The following IGSF23 variants were observed in gnomAD, a reference collection of about 807,000 sequenced individuals.
The protein encoded by IGSF23 is immunoglobulin superfamily, member 23.
In IGSF23, 14 loss-of-function variants were observed where a neutral mutation model predicts 17.8. The ratio of observed to expected loss-of-function variants is 0.79; its 90% CI spans 0.52 to 1.23. IGSF23 has a LOEUF of 1.23. IGSF23 is among the 50% of genes most tolerant of loss of function. The pLI is 0.00. For missense variants in IGSF23, 214 were observed against 241.7 expected, an observed-to-expected ratio of 0.89 and a Z score of 0.76; for synonymous variants, 85 against 92.5, an observed-to-expected ratio of 0.92 and a Z score of 0.46.
rs73048333 is a variant in IGSF23 at position 44,630,085 on chromosome 19, C to T, written c.545+2512C>T. On this transcript the variant is annotated intron_variant, in intron 3 of 4. Coordinates refer to ENST00000402988, the MANE Select transcript of IGSF23 (RefSeq NM_001205280.2). ...GCCACTTTGTTCTAGCTCCTGTCTACACTGCCTTTTCCACCATCAGTAACT... is the reference window on the plus strand; with the variant it reads ...GCCACTTTGTTCTAGCTCCTGTCTATACTGCCTTTTCCACCATCAGTAACT... 5.0e-3 allele frequency among the ~76,000 whole-genome samples: 759 copies of T among 152,328 alleles called. 5 individuals carry two copies. The highest frequency in any genetic ancestry group is 6.7e-3 in the Non-Finnish European group (455 of 68,028).
At chr19:44,618,516 T>G (rs774295072) in intron 1 of IGSF23, among the ~76,000 whole-genome samples, 4 of 152,104 alleles carry the variant, frequency 2.6e-5, no homozygotes, top group Non-Finnish European at 5.9e-5. Flanking sequence ...TGGTTATCCA[T>G]TGCTCCCCAA....
At chr19:44,631,135 C>T (rs547090769) in intron 3 of IGSF23, among the ~76,000 whole-genome samples, 3 of 150,134 alleles carry the variant, frequency 2.0e-5, no homozygotes, top group Non-Finnish European at 4.4e-5. Context: ...GGCATGATAA[C>T]ACATGCTTGT....
intron 2 of IGSF23, 28 bp downstream of exon 2, chr19:44,624,000 C>T (rs1303752521): frequency 2.0e-6 from 3 of 1,527,242 alleles, no homozygotes; most frequent in East Asian, 4.9e-5. Flanking sequence ...CCCCACCCCA[C>T]CCCACCCAAG....
intron 1 of IGSF23, 57 bp downstream of exon 1, chr19:44,613,827 G>C: frequency 6.5e-7 from 1 of 1,548,170 alleles, no homozygotes; most frequent in African/African-American, 1.4e-5. Context: ...GCAGGGTCCT[G>C]CAGGGTGAGG....
rs147175728 is a variant in IGSF23, at chr19:44,627,087, G to C, written c.392-333G>C. On this transcript the variant is annotated intron_variant, in intron 2 of 4. Coordinates refer to ENST00000402988, the MANE Select transcript of IGSF23 (RefSeq NM_001205280.2). ...GCTATAAAGGCAGGGCAATGAGAGA[G>C]ATGAGGCTGGCCAGGTGGCAGGGCC... 4.3e-3 allele frequency among the ~76,000 whole-genome samples: 651 copies of C among 152,264 alleles called. 8 individuals carry two copies. Among genetic ancestry groups the C allele is most frequent in the African/African-American group, 0.015 (604 of 41,540 alleles).
chr19:44,623,884 G>T lies in IGSF23; in HGVS notation c.303G>T (p.Leu101Phe), dbSNP rs1223916561. The change falls in exon 2 of 5, where the codon TTG (leucine) becomes TTT (phenylalanine). Residue 101 changes from leucine (L) to phenylalanine (F), a missense_variant. Coordinates refer to ENST00000402988, the MANE Select transcript of IGSF23 (RefSeq NM_001205280.2). Reference protein sequence around the residue: ...GMGEKLFIRRLSCEQLGTYMC... With the variant: ...GMGEKLFIRRFSCEQLGTYMC... ...GAGAGAAGCTGTTCATCCGACGGTT[G>T]TCCTGTGAGCAGCTGGGCACCTACA... 1 of 1,550,746 alleles carries T rather than the reference G, an allele frequency of 6.4e-7. No individual in the cohort carries two copies. Among genetic ancestry groups the T allele is most frequent in the Non-Finnish European group, 8.7e-7 (1 of 1,147,054 alleles).
At chr19:44,625,449 A>T (rs531612024) in intron 2 of IGSF23, among the ~76,000 whole-genome samples, 1 of 152,208 alleles carries the variant, frequency 6.6e-6, no homozygotes, top group South Asian at 2.1e-4. Context: ...GTGGTTTGGG[A>T]CCTGGTCAAA....
chr19:44,616,096 C>T (rs1365420688), intron 1 of IGSF23, among the ~76,000 whole-genome samples: 2 of 152,072 alleles, frequency 1.3e-5, no homozygotes, highest in African/African-American at 4.8e-5. Context: ...CTCTTGATAA[C>T]AGCAGGTACC....
Position 44,627,573 on chromosome 19 carries a change from G to C in IGSF23, c.545G>C (p.Arg182Thr). 1 of 1,549,380 alleles carries C rather than the reference G, an allele frequency of 6.5e-7. No homozygotes were observed. The highest frequency in any genetic ancestry group is 8.7e-7 in the Non-Finnish European group (1 of 1,146,202). ...GMCFIIIQSL[R>T]TDRQRIGICS is the part of the protein sequence containing the mutation. ...TGTTTCATCATCATCCAGAGCCTAA[G>C]GTACCTCTATCCCTCACCCCCGTCC... is the stretch of plus-strand genomic sequence containing the variant. The change falls in exon 3 of 5, where the codon AGG (arginine) becomes ACG (threonine). Residue 182 changes from arginine to threonine, a missense_variant and splice_region_variant. Coordinates refer to ENST00000402988, the MANE Select transcript of IGSF23 (RefSeq NM_001205280.2).
chr19:44,627,316 G>A (rs1326611405), intron 2 of IGSF23, 104 bp from the exon 3 acceptor site: 1 of 1,188,566 alleles, frequency 8.4e-7, no homozygotes, highest in Admixed American at 2.7e-5. Flanking sequence ...TGGAAGAGAA[G>A]GATGGATTGA....
chr19:44,631,315 C>T (rs1484634326), intron 3 of IGSF23, among the ~76,000 whole-genome samples: 1 of 149,740 alleles, frequency 6.7e-6, no homozygotes, highest in Non-Finnish European at 1.5e-5. Context: ...AGGCTGGGCA[C>T]AGTGGCTCAT....
intron 2 of IGSF23, among the ~76,000 whole-genome samples, chr19:44,626,947 A>G (rs987750574): frequency 6.6e-6 from 1 of 151,480 alleles, no homozygotes; most frequent in Non-Finnish European, 1.5e-5. Flanking sequence ...GGAATTATGC[A>G]AGCCAAGAGA....
chr19:44,626,194 G>A (rs933099941), intron 2 of IGSF23, among the ~76,000 whole-genome samples: 7 of 152,168 alleles, frequency 4.6e-5, no homozygotes, highest in African/African-American at 1.2e-4. Context: ...AATGGAATGC[G>A]TGATGGGAAT....
At position 44,613,607 on chromosome 19, in the gene IGSF23, TCTCC is replaced by T. The variant is rs1456774545; in HGVS notation, c.-34_-31del. On this transcript the variant is annotated 5_prime_UTR_variant, in exon 1 of 5. Coordinates refer to ENST00000402988, the MANE Select transcript of IGSF23 (RefSeq NM_001205280.2). ...AGTGATAGGAGCGGGCGATTCTGCTTCTCCCTCCATCTCCCGGCGGGGATTGTAC... is the reference window on the plus strand; with the variant it reads ...AGTGATAGGAGCGGGCGATTCTGCTTCTCCATCTCCCGGCGGGGATTGTAC... 2 of 1,510,212 alleles carry T rather than the reference TCTCC, an allele frequency of 1.3e-6. No individual in the cohort carries two copies. Among genetic ancestry groups the T allele is most frequent in the South Asian group, 2.5e-5 (2 of 79,744 alleles). The allele number at this position is 1,510,212 out of a possible 1,614,324, so 93.6% of individuals were successfully genotyped here.
intron 1 of IGSF23, among the ~76,000 whole-genome samples, chr19:44,616,565 C>T (rs754232852): frequency 6.3e-4 from 95 of 151,624 alleles, no homozygotes; most frequent in Non-Finnish European, 1.1e-3. Context: ...GGCGTGGTGG[C>T]GCACGCCTGT....
rs111596675 is a variant in IGSF23 at position 44,625,968 on chromosome 19, G to A, written c.392-1452G>A. ...CCTTCACCTTCTGCCATGATTGTGA[G>A]GCCTCCCCAGCCATGTGGAACTGGG... is the stretch of plus-strand genomic sequence containing the variant. On this transcript the variant is annotated intron_variant, in intron 2 of 4. Transcript: ENST00000402988. Among the ~76,000 whole-genome samples, 419 of 152,218 alleles carry A rather than the reference G, an allele frequency of 2.8e-3. 1 individual carries two copies. Among genetic ancestry groups the A allele is most frequent in the African/African-American group, 9.6e-3 (397 of 41,514 alleles).
At chr19:44,628,108 C>T (rs1320101656) in intron 3 of IGSF23, among the ~76,000 whole-genome samples, 11 of 151,982 alleles carry the variant, frequency 7.2e-5, no homozygotes, top group Admixed American at 2.0e-4. Context: ...CCACGCCTGG[C>T]TAATTTTTGT....
At chr19:44,621,491 AT>A (rs1482940267) in intron 1 of IGSF23, among the ~76,000 whole-genome samples, 1 of 150,628 alleles carries the variant, frequency 6.6e-6, no homozygotes, top group African/African-American at 2.4e-5. Flanking sequence ...TCTACAAAAA[AT>A]AGCTGGATGT....
chr19:44,615,159 G>A (rs1266346591), intron 1 of IGSF23, among the ~76,000 whole-genome samples: 5 of 151,918 alleles, frequency 3.3e-5, no homozygotes, highest in Non-Finnish European at 5.9e-5. Flanking sequence ...CCTGGTGGCG[G>A]GCGCCTGTAG....
Sources: allele counts gnomAD v4.1 joint callset (sites outside exome capture counted in the v4.1 genomes callset), GRCh38; gene constraint gnomAD v4.1.1; transcripts MANE v1.5; gene names NCBI Gene and HGNC (gene_info 2026-07-23, HGNC 2026-07-21).